SOX6: variants seen among roughly 807,000 people sequenced by gnomAD.
SOX6 encodes SRY-box transcription factor 6.
A neutral mutation model predicts 97.8 loss-of-function variants in SOX6; 11 were observed. That is an observed-to-expected ratio of 0.11 (90% CI 0.07 to 0.19). The LOEUF (loss-of-function observed/expected upper bound fraction) is 0.19, where lower values mean the gene tolerates loss of function less well. Ranked by LOEUF, SOX6 falls within the 10% of genes least tolerant of loss-of-function variation. The pLI is 1.00. For synonymous variants in SOX6, 360 were observed against 371.4 expected (o/e 0.97, Z 0.35); for missense variants, 810 against 1,039.5 (o/e 0.78, Z 3.04).
At chr11:16,242,644 A>G (rs1000663366) in intron 3 of SOX6, among the ~76,000 whole-genome samples, 1 of 151,680 alleles carries the variant, frequency 6.6e-6, no homozygotes, top group Non-Finnish European at 1.5e-5. Flanking sequence ...TTAAAAAAAA[A>G]CAAAAAAAAA....
chr11:16,569,213 T>C (rs1204636676), intron 4 of SOX6, among the ~76,000 whole-genome samples: 1 of 152,214 alleles, frequency 6.6e-6, no homozygotes, highest in Non-Finnish European at 1.5e-5. Context: ...TTAAAATTAA[T>C]TTCAATCATT....
Position 16,367,872 on chromosome 11 carries a change from A to T in SOX6, c.-4-26620T>A, listed in dbSNP as rs149066051. Among the ~76,000 whole-genome samples, 235 of 152,312 alleles carry T rather than the reference A, an allele frequency of 1.5e-3. 3 individuals are homozygous for T. The highest frequency in any genetic ancestry group is 0.011 in the Admixed American group (174 of 15,282). ...AAGTAACTTTCCTAAAAAGCATTAA[A>T]TCTAATACAGTAGGGAAAGTCTTCA... is the stretch of plus-strand genomic sequence containing the variant. On this transcript the variant is annotated intron_variant, in intron 1 of 15. Coordinates refer to the SOX6 transcript ENST00000396356.
intron 1 of SOX6, among the ~76,000 whole-genome samples, chr11:16,437,855 A>G (rs1402035714): frequency 1.3e-5 from 2 of 152,230 alleles, no homozygotes; most frequent in African/African-American, 2.4e-5. Flanking sequence ...CACATGAGAC[A>G]ATTCATTTAA....
At chr11:16,211,536 C>G (rs913649879) in intron 4 of SOX6, among the ~76,000 whole-genome samples, 3 of 151,916 alleles carry the variant, frequency 2.0e-5, no homozygotes, top group Admixed American at 2.0e-4. Flanking sequence ...ATCCAGGAGA[C>G]AGTTACAGGA....
chr11:16,593,543 C>T (rs1048554758), intron 4 of SOX6, among the ~76,000 whole-genome samples: 18 of 151,724 alleles, frequency 1.2e-4, no homozygotes, highest in African/African-American at 3.6e-4. Context: ...TCAGAATGCT[C>T]ACCATATATG....
chr11:16,412,760 C>T (rs1858847696), intron 1 of SOX6, among the ~76,000 whole-genome samples: 1 of 152,212 alleles, frequency 6.6e-6, no homozygotes, highest in South Asian at 2.1e-4. Context: ...CAGGCAGGCT[C>T]TCCCCTTTCA....
At chr11:16,468,020 T>G (rs570434962) in intron 1 of SOX6, among the ~76,000 whole-genome samples, 2 of 152,336 alleles carry the variant, frequency 1.3e-5, no homozygotes, top group African/African-American at 4.8e-5. Context: ...GCTTATCTTC[T>G]TGGTTAGAAA....
At chr11:16,279,392 C>T (rs1245976648) in intron 3 of SOX6, among the ~76,000 whole-genome samples, 1 of 152,092 alleles carries the variant, frequency 6.6e-6, no homozygotes, top group Non-Finnish European at 1.5e-5. Context: ...ATCAATAATT[C>T]TCTTCCTCCA....
At chr11:16,056,785 C>G (rs1564930040) in intron 9 of SOX6, among the ~76,000 whole-genome samples, 1 of 152,138 alleles carries the variant, frequency 6.6e-6, no homozygotes, top group Non-Finnish European at 1.5e-5. Context: ...AGCAGACAAT[C>G]TGACATTACA....
At chr11:16,272,751 C>G (rs1854294204) in intron 3 of SOX6, among the ~76,000 whole-genome samples, 3 of 151,756 alleles carry the variant, frequency 2.0e-5, no homozygotes, top group African/African-American at 7.2e-5. Flanking sequence ...CATATACATT[C>G]AAGAGAAATT....
intron 13 of SOX6, among the ~76,000 whole-genome samples, chr11:15,998,856 C>G (rs4486592): frequency 0.09 from 13,641 of 151,950 alleles, 1,248 homozygotes; most frequent in East Asian, 0.36. Context: ...ATTTTAGTGA[C>G]TTTAAAGTAA....
intron 1 of SOX6, among the ~76,000 whole-genome samples, chr11:16,395,331 G>C (rs536769693): frequency 6.6e-6 from 1 of 151,902 alleles, no homozygotes; most frequent in South Asian, 2.1e-4. Flanking sequence ...ATCCTTGCAG[G>C]GAGACAAGGT....
chr11:16,289,478 A>G (rs547643065), intron 3 of SOX6, among the ~76,000 whole-genome samples: 1 of 152,146 alleles, frequency 6.6e-6, no homozygotes, highest in Admixed American at 6.6e-5. Context: ...TCTCACTTTT[A>G]TCTTTCTAAT....
chr11:16,391,846 A>T (rs12295257), intron 1 of SOX6, among the ~76,000 whole-genome samples: 2,391 of 152,038 alleles, frequency 0.016, 60 homozygotes, highest in African/African-American at 0.055. Flanking sequence ...AATTTTTATA[A>T]CTCTACCAAG....
chr11:15,986,155 T>C, intron 15 of SOX6, 49 bp downstream of exon 15: 1 of 1,536,974 alleles, frequency 6.5e-7, no homozygotes, highest in Non-Finnish European at 9.0e-7. Context: ...ATCCTATAGT[T>C]ACTTACCGCA....
chr11:16,177,277 G>A (rs1205165604), intron 6 of SOX6, among the ~76,000 whole-genome samples: 1 of 151,872 alleles, frequency 6.6e-6, no homozygotes, highest in Non-Finnish European at 1.5e-5. Context: ...ACGTTTTCGA[G>A]TTTAACATTC....
intron 4 of SOX6, among the ~76,000 whole-genome samples, chr11:16,595,006 T>A (rs1320232902): frequency 6.6e-6 from 1 of 152,222 alleles, no homozygotes; most frequent in Non-Finnish European, 1.5e-5. Flanking sequence ...TTTGGCTTCT[T>A]ATTAAGGAAC....
At chr11:16,397,728 C>T (rs1008527051) in intron 1 of SOX6, among the ~76,000 whole-genome samples, 2 of 151,364 alleles carry the variant, frequency 1.3e-5, no homozygotes, top group Admixed American at 6.6e-5. Context: ...TAAATTAGGC[C>T]CAAAAGAATA....
At chr11:16,138,535 AT>A (rs991833465) in intron 6 of SOX6, among the ~76,000 whole-genome samples, 4 of 151,332 alleles carry the variant, frequency 2.6e-5, no homozygotes, top group Non-Finnish European at 5.9e-5. Flanking sequence ...TGTTGTTTTT[AT>A]TTTTTTATTT....
Sources: allele counts gnomAD v4.1 joint callset (sites outside exome capture counted in the v4.1 genomes callset), GRCh38; gene constraint gnomAD v4.1.1; transcripts MANE v1.5; gene names NCBI Gene and HGNC (gene_info 2026-07-23, HGNC 2026-07-21).